SYN2: variants seen among roughly 807,000 people sequenced by gnomAD.
SYN2 encodes synapsin II, also known as synapsin-2.
A neutral mutation model predicts 50.9 loss-of-function variants in SYN2; 19 were observed. The ratio of observed to expected loss-of-function variants is 0.37; its 90% CI spans 0.26 to 0.55. The LOEUF (loss-of-function observed/expected upper bound fraction) is 0.55. Among genes scored for constraint, SYN2 ranks in the 20% least tolerant of loss-of-function variants. SYN2 has a pLI of 0.81. For synonymous variants in SYN2, 255 were observed against 224.9 expected, an observed-to-expected ratio of 1.13 and a Z score of -1.20; for missense variants, 587 against 576.4, an observed-to-expected ratio of 1.02 and a Z score of -0.19.
At chr3:12,114,924 T>G (rs1298191133) in intron 1 of SYN2, among the ~76,000 whole-genome samples, 1 of 152,136 alleles carries the variant, frequency 6.6e-6, no homozygotes, top group Admixed American at 6.6e-5. Flanking sequence ...TCTGTTAGCC[T>G]GTAACTTTCT....
intron 1 of SYN2, among the ~76,000 whole-genome samples, chr3:12,067,180 T>C (rs570455161): frequency 6.6e-6 from 1 of 152,172 alleles, no homozygotes; most frequent in South Asian, 2.1e-4. Flanking sequence ...ATTTGTTAAA[T>C]TATATTTCAC....
intron 1 of SYN2, among the ~76,000 whole-genome samples, chr3:12,062,926 A>C (rs1695144927): frequency 6.6e-6 from 1 of 152,076 alleles, no homozygotes. Context: ...ATCAAGCTAC[A>C]AAAAGACATG....
intron 1 of SYN2, among the ~76,000 whole-genome samples, chr3:12,022,966 G>A (rs981888741): frequency 2.0e-5 from 3 of 152,168 alleles, no homozygotes; most frequent in Admixed American, 6.5e-5. Context: ...ATGCACACCC[G>A]GTGGTGGAGG....
At chr3:12,117,036 C>T (rs1218350778) in intron 1 of SYN2, among the ~76,000 whole-genome samples, 4 of 152,188 alleles carry the variant, frequency 2.6e-5, no homozygotes, top group Admixed American at 1.3e-4. Context: ...TAGGCATTCA[C>T]CACCACACCC....
At chr3:12,025,891 C>T (rs1435889616) in intron 1 of SYN2, among the ~76,000 whole-genome samples, 2 of 152,216 alleles carry the variant, frequency 1.3e-5, no homozygotes, top group Non-Finnish European at 2.9e-5. Context: ...CTGGCAAGCT[C>T]ACGGAAGAAG....
At chr3:12,034,020 C>T (rs372218824) in intron 1 of SYN2, among the ~76,000 whole-genome samples, 7 of 152,144 alleles carry the variant, frequency 4.6e-5, no homozygotes, top group African/African-American at 9.7e-5. Flanking sequence ...TGTGAACATA[C>T]GCTTTCAGTT....
At chr3:12,115,716 C>T (rs1340966275) in intron 1 of SYN2, among the ~76,000 whole-genome samples, 1 of 152,132 alleles carries the variant, frequency 6.6e-6, no homozygotes, top group African/African-American at 2.4e-5. Context: ...CCTAAATTTA[C>T]ATTAGGGTAA....
intron 11 of SYN2, 146 bp from the exon 12 acceptor site, chr3:12,187,223 C>T: frequency 2.5e-6 from 3 of 1,208,466 alleles, no homozygotes; most frequent in Non-Finnish European, 3.3e-6. Context: ...CAAGGACCCC[C>T]TTTAGGGCCC....
intron 1 of SYN2, among the ~76,000 whole-genome samples, chr3:12,128,385 C>A (rs1284717114): frequency 6.6e-6 from 1 of 152,108 alleles, no homozygotes; most frequent in Non-Finnish European, 1.5e-5. Flanking sequence ...GGAGAGTTAC[C>A]TTTCTTGCTC....
Position 12,119,341 on chromosome 3 carries a change from C to T in SYN2, c.378-21310C>T, listed in dbSNP as rs1462986346. ...CTTTTGAACTGAGCTTCCCATCTCA[C>T]TTTATTTATGTGTCTGCCTCTTCTG... On this transcript the variant is annotated intron_variant, in intron 1 of 12. Coordinates refer to ENST00000621198, the MANE Select transcript of SYN2 (RefSeq NM_133625.6). Among the ~76,000 whole-genome samples, 3 of 152,180 alleles carry T rather than the reference C, an allele frequency of 2.0e-5. No individual in the cohort carries two copies. The East Asian group carries it at 5.8e-4, about 29-fold the overall frequency.
chr3:12,174,368 G>A (rs1049044351), intron 10 of SYN2, among the ~76,000 whole-genome samples: 5 of 151,990 alleles, frequency 3.3e-5, no homozygotes, highest in Non-Finnish European at 5.9e-5. Flanking sequence ...ATTTATGTAG[G>A]CCCCTACCTG....
chr3:12,070,623 C>T (rs1212462236), intron 1 of SYN2: 3 of 1,379,238 alleles, frequency 2.2e-6, no homozygotes, highest in African/African-American at 2.9e-5. Flanking sequence ...CTTCAACACC[C>T]TGTCCATGTA....
rs764230482 is a variant in SYN2, at chr3:12,190,572, G to T, written c.1696G>T (p.Ala566Ser). 6.2e-7 allele frequency: 1 copy of T among 1,613,392 alleles called. No individual in the cohort carries two copies. Among genetic ancestry groups the T allele is most frequent in the Admixed American group, 1.7e-5 (1 of 59,938 alleles). ...RSSANEDEAKAETIRSLRKSF... is the reference protein window; with the variant it reads ...RSSANEDEAKSETIRSLRKSF... ...TTCAGCCAATGAGGATGAAGCCAAAGCAGAGACCATCCGGAGCTTGAGGAA... is the reference window on the plus strand; with the variant it reads ...TTCAGCCAATGAGGATGAAGCCAAATCAGAGACCATCCGGAGCTTGAGGAA... The change falls in exon 13 of 13, where the codon GCA becomes TCA. Residue 566 changes from alanine (A) to serine (S), a missense_variant. Coordinates refer to ENST00000621198, the MANE Select transcript of SYN2 (RefSeq NM_133625.6).
At chr3:12,010,255 C>T (rs956116045) in intron 1 of SYN2, among the ~76,000 whole-genome samples, 4 of 152,184 alleles carry the variant, frequency 2.6e-5, no homozygotes, top group Non-Finnish European at 4.4e-5. Flanking sequence ...AGGTTGCTTA[C>T]TGTCTTTCTG....
chr3:12,112,336 T>C (rs1319844387), intron 1 of SYN2, among the ~76,000 whole-genome samples: 1 of 152,196 alleles, frequency 6.6e-6, no homozygotes, highest in Non-Finnish European at 1.5e-5. Flanking sequence ...ATTTTATTTT[T>C]TAATTCAGCA....
intron 1 of SYN2, among the ~76,000 whole-genome samples, chr3:12,116,097 G>A (rs1256925701): frequency 6.6e-6 from 1 of 152,128 alleles, no homozygotes; most frequent in African/African-American, 2.4e-5. Flanking sequence ...CTGATTCATG[G>A]GGCTAATGTC....
At chr3:12,042,662 G>A (rs2125149948) in intron 1 of SYN2, among the ~76,000 whole-genome samples, 1 of 152,338 alleles carries the variant, frequency 6.6e-6, no homozygotes, top group South Asian at 2.1e-4. Context: ...ACCTCAAAAT[G>A]TGACTTATTT....
At chr3:12,105,283 T>C (rs1256363461) in intron 1 of SYN2, among the ~76,000 whole-genome samples, 1 of 152,026 alleles carries the variant, frequency 6.6e-6, no homozygotes, top group Non-Finnish European at 1.5e-5. Context: ...TCAGCATTTT[T>C]GAGCCTGCTG....
intron 1 of SYN2, among the ~76,000 whole-genome samples, chr3:12,040,250 C>G (rs991354200): frequency 3.9e-5 from 6 of 151,974 alleles, no homozygotes; most frequent in African/African-American, 1.2e-4. Flanking sequence ...ACAGAAAGGG[C>G]AGTGAAAGTG....
Sources: gnomAD v4.1 joint callset for allele counts (sites outside exome capture counted in the v4.1 genomes callset) on GRCh38, gnomAD v4.1.1 for gene constraint, MANE v1.5 for transcripts, NCBI Gene and HGNC (gene_info 2026-07-23, HGNC 2026-07-21) for gene names.